MTHFD2L: variants seen among roughly 807,000 people sequenced by gnomAD.
MTHFD2L encodes bifunctional methylenetetrahydrofolate dehydrogenase/cyclohydrolase 2, mitochondrial.
In MTHFD2L, 29 loss-of-function variants were observed where a neutral mutation model predicts 34.9. The observed-to-expected ratio is 0.83, with a 90% CI of 0.62 to 1.13. The LOEUF is 1.13. Ranked by LOEUF, MTHFD2L falls within the 50% of genes most tolerant of loss-of-function variation. MTHFD2L has a pLI of 0.00. For synonymous variants in MTHFD2L, 167 were observed against 155.7 expected (o/e 1.07, Z -0.54); for missense variants, 481 against 446.5 (o/e 1.08, Z -0.70).
intron 1 of MTHFD2L, among the ~76,000 whole-genome samples, chr4:74,132,391 T>C (rs1415593765): frequency 6.6e-6 from 1 of 152,142 alleles, no homozygotes; most frequent in African/African-American, 2.4e-5. Flanking sequence ...ATATACACCA[T>C]GGAATACTAT....
chr4:74,281,287 A>G, intron 6 of MTHFD2L, 138 bp from the exon 7 acceptor site: 1 of 807,308 alleles, frequency 1.2e-6, no homozygotes, highest in Non-Finnish European at 1.9e-6. Context: ...AGAAATCATC[A>G]ATGGCCTGTT....
chr4:74,133,396 G>C (rs1049225440), intron 1 of MTHFD2L, among the ~76,000 whole-genome samples: 2 of 152,110 alleles, frequency 1.3e-5, no homozygotes, highest in African/African-American at 4.8e-5. Flanking sequence ...CTTAGGATAA[G>C]CTTTTCTCCC....
intron 5 of MTHFD2L, among the ~76,000 whole-genome samples, chr4:74,218,922 C>G (rs1421272990): frequency 6.6e-6 from 1 of 151,708 alleles, no homozygotes; most frequent in African/African-American, 2.4e-5. Flanking sequence ...TCTGTGGGTT[C>G]CACATCTGTG....
intron 1 of MTHFD2L, among the ~76,000 whole-genome samples, chr4:74,140,886 G>T (rs965255767): frequency 6.6e-6 from 1 of 152,128 alleles, no homozygotes; most frequent in Non-Finnish European, 1.5e-5. Context: ...TTCTTTTCCT[G>T]GTTCCTCCCA....
At position 74,148,789 on chromosome 4, in the gene MTHFD2L, C is replaced by T. The variant is rs113510205; in HGVS notation, c.-296-11266C>T. Reference sequence around the variant, plus strand: ...TCATAAACATGAATGCTCACAGCCACATTTTTATTTTTACTATCATAAATA... The same window carrying T: ...TCATAAACATGAATGCTCACAGCCATATTTTTATTTTTACTATCATAAATA... On this transcript the variant is annotated intron_variant, in intron 1 of 7. Transcript: ENST00000433372. 8.8e-3 allele frequency among the ~76,000 whole-genome samples: 1,338 copies of T among 151,856 alleles called. 37 individuals are homozygous for T. The highest frequency in any genetic ancestry group is 0.014 in the Non-Finnish European group (957 of 67,828).
upstream of MTHFD2L, among the ~76,000 whole-genome samples, chr4:74,155,885 C>T (rs1333718487): frequency 7.3e-6 from 1 of 136,416 alleles, no homozygotes; most frequent in Non-Finnish European, 1.6e-5. Flanking sequence ...CTTTTTAGTA[C>T]TGAAAAAGCC....
chr4:74,179,762 T>C (rs530940800), intron 3 of MTHFD2L, among the ~76,000 whole-genome samples: 1 of 152,154 alleles, frequency 6.6e-6, no homozygotes, highest in Non-Finnish European at 1.5e-5. Context: ...TAATAAATAA[T>C]TTAAATATTC....
intron 6 of MTHFD2L, chr4:74,268,384 C>A: frequency 2.5e-6 from 1 of 407,468 alleles, no homozygotes; most frequent in Non-Finnish European, 3.3e-6. Flanking sequence ...GTAAGCATTT[C>A]CATGGTGTTC....
At chr4:74,208,197 T>C (rs1236389596) in intron 5 of MTHFD2L, among the ~76,000 whole-genome samples, 1 of 152,200 alleles carries the variant, frequency 6.6e-6, no homozygotes, top group African/African-American at 2.4e-5. Context: ...GAATTACATA[T>C]TTGAATTTGG....
intron 1 of MTHFD2L, among the ~76,000 whole-genome samples, chr4:74,139,219 G>C (rs964260278): frequency 1.3e-5 from 2 of 152,150 alleles, no homozygotes; most frequent in Non-Finnish European, 2.9e-5. Flanking sequence ...CCTAGCTCTA[G>C]AAAAAGATTA....
At chr4:74,225,630 A>G (rs1357448347) in intron 6 of MTHFD2L, among the ~76,000 whole-genome samples, 2 of 152,222 alleles carry the variant, frequency 1.3e-5, no homozygotes, top group East Asian at 1.9e-4. Context: ...AAGCACAAGA[A>G]CAATGTGCAC....
chr4:74,289,603 C>T (rs1423459445), intron 7 of MTHFD2L, among the ~76,000 whole-genome samples: 2 of 152,058 alleles, frequency 1.3e-5, no homozygotes, highest in Admixed American at 6.6e-5. Flanking sequence ...ACACATAGGC[C>T]GTATAGAGGT....
chr4:74,267,884 A>T (rs1053463277), intron 6 of MTHFD2L: 9 of 985,146 alleles, frequency 9.1e-6, no homozygotes, highest in Non-Finnish European at 1.1e-5. Flanking sequence ...GCCCTAGACG[A>T]TCCAATATGG....
At chr4:74,267,240 T>A in intron 6 of MTHFD2L, 1 of 985,208 alleles carries the variant, frequency 1.0e-6, no homozygotes, top group Non-Finnish European at 1.2e-6. Flanking sequence ...ATTCCCCAAG[T>A]GCATTGGTGT....
intron 1 of MTHFD2L, among the ~76,000 whole-genome samples, chr4:74,129,844 C>T (rs991525829): frequency 6.6e-6 from 1 of 151,634 alleles, no homozygotes; most frequent in Non-Finnish European, 1.5e-5. Context: ...ACTAGCCTGA[C>T]TAATAAAGAA....
In MTHFD2L at chr4:74,199,821, A is replaced by G. The variant is rs760923991; in HGVS notation, c.479A>G (p.Asn160Ser). The change falls in exon 4 of 8, where the codon AAT becomes AGT. Residue 160 changes from asparagine to serine, a missense_variant. Coordinates refer to ENST00000325278, the MANE Select transcript of MTHFD2L (RefSeq NM_001144978.3). The part of the protein sequence containing the change: ...PDHVDERTIC[N>S]GIAPEKDVDG... ...CACGTTGATGAGCGAACAATATGCA[A>G]TGGAATTGCCCCAGAAAAAGATGTA... 17 of 1,613,020 alleles carry G rather than the reference A, an allele frequency of 1.1e-5. No homozygotes were observed. In the African/African-American group the frequency reaches 1.9e-4, roughly 18 times the overall value.
At chr4:74,150,113 G>A (rs936819024) in intron 1 of MTHFD2L, among the ~76,000 whole-genome samples, 1 of 152,154 alleles carries the variant, frequency 6.6e-6, no homozygotes, top group Admixed American at 6.5e-5. Context: ...AAGTGGGTAG[G>A]TTGTCTACAG....
chr4:74,218,136 A>T (rs1017436450), intron 5 of MTHFD2L, among the ~76,000 whole-genome samples: 1 of 149,552 alleles, frequency 6.7e-6, no homozygotes, highest in Non-Finnish European at 1.5e-5. Context: ...TTTTCTATAC[A>T]TTTTTTTTTT....
intron 4 of MTHFD2L, 124 bp from the exon 5 acceptor site, chr4:74,201,139 A>T (rs1265504261): frequency 4.7e-6 from 3 of 635,032 alleles, no homozygotes; most frequent in Admixed American, 5.9e-5. Context: ...CATATTATAG[A>T]TAAGCCACAT....
Sources: gnomAD v4.1 joint callset for allele counts (sites outside exome capture counted in the v4.1 genomes callset) on GRCh38, gnomAD v4.1.1 for gene constraint, MANE v1.5 for transcripts, NCBI Gene and HGNC (gene_info 2026-07-23, HGNC 2026-07-21) for gene names.